Variants in NELL1 observed in about 807,000 individuals in gnomAD.
The protein encoded by NELL1 is protein kinase C-binding protein NELL1.
Under a neutral mutation model 107.4 loss-of-function variants are expected in NELL1, and 76 were observed. The observed-to-expected ratio is 0.71, with a 90% CI of 0.59 to 0.86. NELL1 has a LOEUF of 0.86. Among genes scored for constraint, NELL1 ranks in the 40% least tolerant of loss-of-function variants. The probability of loss-of-function intolerance (pLI) is 0.00; values close to 1 mark genes in which losing one functional copy is unlikely to be tolerated. For missense variants in NELL1, 1,024 were observed against 1,005.5 expected (o/e 1.02, Z -0.25); for synonymous variants, 353 against 341.2 (o/e 1.03, Z -0.38).
At chr11:21,084,197 G>C (rs1055491686) in intron 12 of NELL1, among the ~76,000 whole-genome samples, 2 of 152,162 alleles carry the variant, frequency 1.3e-5, no homozygotes, top group Non-Finnish European at 2.9e-5. Context: ...GTGATGCTAT[G>C]TCCTGAGCTT....
intron 11 of NELL1, among the ~76,000 whole-genome samples, chr11:20,956,979 C>A (rs1207213181): frequency 6.6e-6 from 1 of 151,804 alleles, no homozygotes; most frequent in African/African-American, 2.4e-5. Flanking sequence ...GTGGAGATGG[C>A]AGTAAGGGGG....
At chr11:21,433,289 G>A (rs1229462468) in intron 15 of NELL1, among the ~76,000 whole-genome samples, 1 of 152,168 alleles carries the variant, frequency 6.6e-6, no homozygotes, top group African/African-American at 2.4e-5. Flanking sequence ...TGATGGGCAT[G>A]TGGGGTTATT....
chr11:21,135,552 G>T (rs759288720), intron 13 of NELL1, among the ~76,000 whole-genome samples: 3 of 152,148 alleles, frequency 2.0e-5, no homozygotes, highest in Admixed American at 6.5e-5. Context: ...GTGACTTACA[G>T]CAAGTCACTT....
chr11:21,034,057 T>G (rs1853027902), intron 12 of NELL1, among the ~76,000 whole-genome samples: 1 of 152,222 alleles, frequency 6.6e-6, no homozygotes, highest in Admixed American at 6.5e-5. Context: ...GCAGTTGCTT[T>G]TGGTGTCTTC....
intron 15 of NELL1, among the ~76,000 whole-genome samples, chr11:21,413,684 T>A (rs922484861): frequency 1.3e-4 from 20 of 152,150 alleles, no homozygotes; most frequent in African/African-American, 4.8e-4. Flanking sequence ...CCCAACTGCA[T>A]GGTCACCCCT....
chr11:20,681,451 T>C (rs79492209), intron 2 of NELL1, among the ~76,000 whole-genome samples: 6,601 of 152,156 alleles, frequency 0.043, 508 homozygotes, highest in African/African-American at 0.15. Context: ...TCCTTTTATG[T>C]CTTTGCTGGG....
At chr11:21,080,657 C>A (rs1854245083) in intron 12 of NELL1, among the ~76,000 whole-genome samples, 1 of 152,038 alleles carries the variant, frequency 6.6e-6, no homozygotes, top group African/African-American at 2.4e-5. Flanking sequence ...TTGTACCTAT[C>A]TGTGCACATG....
intron 3 of NELL1, among the ~76,000 whole-genome samples, chr11:20,799,087 G>A (rs904773362): frequency 1.4e-5 from 2 of 145,990 alleles, no homozygotes; most frequent in African/African-American, 2.5e-5. Flanking sequence ...AAGATAGGAC[G>A]TTTGTCCTCA....
intron 17 of NELL1, among the ~76,000 whole-genome samples, chr11:21,569,442 A>G (rs1052750801): frequency 3.3e-5 from 5 of 149,638 alleles, no homozygotes; most frequent in African/African-American, 1.2e-4. Flanking sequence ...TAAGTATTAA[A>G]TACATGGTAG....
intron 2 of NELL1, among the ~76,000 whole-genome samples, chr11:20,716,746 AC>A (rs1267313229): frequency 1.3e-5 from 2 of 152,092 alleles, no homozygotes; most frequent in African/African-American, 4.8e-5. Flanking sequence ...TAACTTCTTC[AC>A]TTCATTTTTA....
chr11:21,369,358 T>A (rs973578029), intron 14 of NELL1, among the ~76,000 whole-genome samples: 1 of 134,856 alleles, frequency 7.4e-6, no homozygotes, highest in African/African-American at 2.7e-5. Flanking sequence ...CCATGGTAGG[T>A]ACTATTTTTT....
At chr11:21,017,062 A>G (rs1852581896) in intron 12 of NELL1, among the ~76,000 whole-genome samples, 1 of 152,058 alleles carries the variant, frequency 6.6e-6, no homozygotes, top group East Asian at 1.9e-4. Flanking sequence ...CATCACCACC[A>G]TTCCCTTCTA....
intron 12 of NELL1, among the ~76,000 whole-genome samples, chr11:21,057,043 T>C (rs80104115): frequency 6.6e-6 from 1 of 152,032 alleles, no homozygotes; most frequent in Admixed American, 6.6e-5. Flanking sequence ...GTTTTAAAGT[T>C]TGAAGGCTTG....
intron 14 of NELL1, 116 bp from the exon 15 acceptor site, chr11:21,370,737 T>A: frequency 2.8e-6 from 2 of 724,472 alleles, no homozygotes; most frequent in Non-Finnish European, 4.7e-6. Context: ...AATGTATCAA[T>A]ACAGATGTGT....
chr11:21,264,314 A>C (rs2133926545), intron 14 of NELL1, among the ~76,000 whole-genome samples: 1 of 152,006 alleles, frequency 6.6e-6, no homozygotes, highest in South Asian at 2.1e-4. Context: ...TGAAGTGATT[A>C]GAATAACAGC....
chr11:21,426,453 AAAG>A (rs1247051564), intron 15 of NELL1, among the ~76,000 whole-genome samples: 4 of 152,362 alleles, frequency 2.6e-5, no homozygotes, highest in Non-Finnish European at 4.4e-5. Flanking sequence ...TTAATTTGAG[AAAG>A]AAGATATTTT....
At chr11:21,514,140 A>G (rs948863586) in intron 15 of NELL1, among the ~76,000 whole-genome samples, 5 of 152,238 alleles carry the variant, frequency 3.3e-5, no homozygotes, top group Non-Finnish European at 7.3e-5. Flanking sequence ...TCAAAGCAAG[A>G]TTTTCAGAAT....
chr11:21,431,788 C>T (rs56951940), intron 15 of NELL1, among the ~76,000 whole-genome samples: 4,701 of 152,182 alleles, frequency 0.031, 243 homozygotes, highest in African/African-American at 0.1. Context: ...CCTGCTTCTA[C>T]GCTTTTTTTT....
At chr11:21,513,286 G>T (rs1855483131) in intron 15 of NELL1, among the ~76,000 whole-genome samples, 1 of 152,100 alleles carries the variant, frequency 6.6e-6, no homozygotes, top group Non-Finnish European at 1.5e-5. Context: ...AAAGCCAAAT[G>T]CAAACTGTTC....
Sources: allele counts gnomAD v4.1 joint callset (sites outside exome capture counted in the v4.1 genomes callset), GRCh38; gene constraint gnomAD v4.1.1; transcripts MANE v1.5; gene names NCBI Gene and HGNC (gene_info 2026-07-23, HGNC 2026-07-21).